Variants in MYBPC1 observed in about 807,000 individuals in gnomAD.
The protein encoded by MYBPC1 is myosin binding protein C1.
Under a neutral mutation model 147.1 loss-of-function variants are expected in MYBPC1, and 52 were observed. That is an observed-to-expected ratio of 0.35 (90% CI 0.28 to 0.45). The LOEUF (loss-of-function observed/expected upper bound fraction) is 0.45. MYBPC1 is among the 20% of genes least tolerant of loss of function. MYBPC1 has a pLI of 1.00. For missense variants in MYBPC1, 1,228 were observed against 1,440.3 expected (o/e 0.85, Z 2.39); for synonymous variants, 477 against 475.9 (o/e 1.00, Z -0.03).
At chr12:101,605,779 T>C (rs1174238326) in intron 1 of MYBPC1, among the ~76,000 whole-genome samples, 1 of 151,830 alleles carries the variant, frequency 6.6e-6, no homozygotes, top group Non-Finnish European at 1.5e-5. Context: ...GGAGAATCTC[T>C]TGAACCTGGG....
chr12:101,659,548 A>G (rs1407344922), intron 18 of MYBPC1, 124 bp from the exon 19 acceptor site: 1 of 1,008,636 alleles, frequency 9.9e-7, no homozygotes, highest in Non-Finnish European at 1.5e-6. Flanking sequence ...AGTCCACCAA[A>G]TACACTATAT....
chr12:101,602,522 A>G (rs1001504363), intron 1 of MYBPC1, among the ~76,000 whole-genome samples: 14 of 151,954 alleles, frequency 9.2e-5, no homozygotes, highest in African/African-American at 3.4e-4. Context: ...CGGACAGGTA[A>G]AGTGCTTAGA....
In MYBPC1 at chr12:101,606,448, A is replaced by G. The variant is rs141427514; in HGVS notation, c.26-8048A>G. On this transcript the variant is annotated intron_variant, in intron 1 of 31. Transcript: ENST00000361466. The stretch of plus-strand genomic sequence containing the variant: ...CCCAGACTGTACTTTGAGAACCACT[A>G]ATATAAATCAATTTAGTATTTTTTT... Among the ~76,000 whole-genome samples the G allele has an allele frequency of 6.9e-3, 1,040 of 150,634 alleles. 31 individuals carry two copies. In the South Asian group the frequency reaches 0.097, roughly 14 times the overall value.
intron 1 of MYBPC1, among the ~76,000 whole-genome samples, chr12:101,610,409 C>T (rs1318339577): frequency 6.6e-6 from 1 of 152,208 alleles, no homozygotes; most frequent in Non-Finnish European, 1.5e-5. Flanking sequence ...GATGCTTCCT[C>T]AGTCCCCATC....
chr12:101,596,942 T>C (rs906538439), intron 1 of MYBPC1, among the ~76,000 whole-genome samples: 1 of 152,204 alleles, frequency 6.6e-6, no homozygotes, highest in Non-Finnish European at 1.5e-5. Flanking sequence ...ATGATGGGGA[T>C]TGGGGCAAGA....
At position 101,602,517 on chromosome 12, in the gene MYBPC1, A is replaced by G. The variant is rs563746192; in HGVS notation, c.25+7422A>G. Among the ~76,000 whole-genome samples, 4 of 152,316 alleles carry G rather than the reference A, an allele frequency of 2.6e-5. No individual in the cohort carries two copies. The South Asian group carries it at 8.3e-4, about 32-fold the overall frequency. On this transcript the variant is annotated intron_variant, in intron 1 of 31. Coordinates refer to ENST00000361466, the MANE Select transcript of MYBPC1 (RefSeq NM_002465.4). Reference sequence around the variant, plus strand: ...CAGGCATGAGCCACCATGCCCGGACAGGTAAAGTGCTTAGAACAGGGCCTA... The same window carrying G: ...CAGGCATGAGCCACCATGCCCGGACGGGTAAAGTGCTTAGAACAGGGCCTA...
intron 3 of MYBPC1, among the ~76,000 whole-genome samples, chr12:101,622,150 A>G (rs1230308248): frequency 6.6e-6 from 1 of 152,210 alleles, no homozygotes; most frequent in Non-Finnish European, 1.5e-5. Flanking sequence ...GAAAAAAATG[A>G]AATATGACTT....
At chr12:101,680,590 C>T (rs1950875636) in intron 29 of MYBPC1, 61 bp downstream of exon 29, 1 of 1,585,512 alleles carries the variant, frequency 6.3e-7, no homozygotes, top group Non-Finnish European at 8.6e-7. Context: ...AATTATTGTT[C>T]TTAATGCTTA....
At chr12:101,690,959 A>G (rs948920155), downstream of MYBPC1, among the ~76,000 whole-genome samples, 1 of 152,246 alleles carries the variant, frequency 6.6e-6, no homozygotes, top group Admixed American at 6.5e-5. Context: ...AACTATGCTT[A>G]TCACAAATAC....
the MYBPC1 span, among the ~76,000 whole-genome samples, chr12:101,692,792 A>G: frequency 1.5e-3 from 235 of 152,284 alleles, no homozygotes; most frequent in African/African-American, 5.5e-3. Context: ...ACATTAGAGT[A>G]TGTTAGAGTG....
intron 3 of MYBPC1, among the ~76,000 whole-genome samples, chr12:101,625,996 G>T (rs945986200): frequency 6.8e-6 from 1 of 147,776 alleles, no homozygotes; most frequent in Non-Finnish European, 1.5e-5. Flanking sequence ...GCTGAGGCAG[G>T]AGAATCGCTT....
At chr12:101,596,339 C>T (rs1877223589) in intron 1 of MYBPC1, among the ~76,000 whole-genome samples, 1 of 152,184 alleles carries the variant, frequency 6.6e-6, no homozygotes, top group South Asian at 2.1e-4. Context: ...AATATGGGAA[C>T]TTAATCCTGA....
rs553526753 is a variant in MYBPC1, at chr12:101,673,178, A to G, written c.2614-249A>G. Among the ~76,000 whole-genome samples, 9 of 152,348 alleles carry G rather than the reference A, an allele frequency of 5.9e-5. 1 individual carries two copies. Among genetic ancestry groups the G allele is most frequent in the African/African-American group, 2.2e-4 (9 of 41,578 alleles). On this transcript the variant is annotated intron_variant, in intron 24 of 31. Coordinates refer to ENST00000361466, the MANE Select transcript of MYBPC1 (RefSeq NM_002465.4). The stretch of plus-strand genomic sequence containing the variant: ...AATTATTTAACTTCTCTATCCAAAA[A>G]ATGAGGATAATGATAAGCTTGATGT...
intron 1 of MYBPC1, among the ~76,000 whole-genome samples, chr12:101,610,773 T>C (rs1883986357): frequency 6.6e-6 from 1 of 151,956 alleles, no homozygotes; most frequent in Non-Finnish European, 1.5e-5. Context: ...GTGGGGAAAA[T>C]GGTGTAATTG....
chr12:101,637,414 T>C (rs1286789862), intron 10 of MYBPC1, among the ~76,000 whole-genome samples: 1 of 152,136 alleles, frequency 6.6e-6, no homozygotes, highest in African/African-American at 2.4e-5. Flanking sequence ...TTTCTCTCCA[T>C]ATATATTTCT....
chr12:101,632,029 A>C lies in MYBPC1; in HGVS notation c.447A>C (p.Thr149=). ...GATGCATTTCATTGCAGGTGTACACATTTGAGATGCAGATCATCAAGGCCA... is the reference window on the plus strand; with the variant it reads ...GATGCATTTCATTGCAGGTGTACACCTTTGAGATGCAGATCATCAAGGCCA... ...ETFERHSRVY[T]FEMQIIKAKD... The change falls in exon 8 of 32, where the codon ACA becomes ACC. Residue 149 remains threonine (T), a synonymous_variant. Coordinates refer to ENST00000361466, the MANE Select transcript of MYBPC1 (RefSeq NM_002465.4). 6.2e-7 allele frequency: 1 copy of C among 1,610,824 alleles called. No individual in the cohort carries two copies. Among genetic ancestry groups the C allele is most frequent in the Non-Finnish European group, 8.5e-7 (1 of 1,176,924 alleles).
intron 3 of MYBPC1, among the ~76,000 whole-genome samples, chr12:101,622,748 T>A (rs1490609422): frequency 2.6e-5 from 4 of 151,358 alleles, no homozygotes; most frequent in African/African-American, 9.7e-5. Flanking sequence ...AAAAATTAAT[T>A]AATAAATAAA....
intron 1 of MYBPC1, among the ~76,000 whole-genome samples, chr12:101,607,700 G>T (rs988503152): frequency 6.6e-6 from 1 of 151,866 alleles, no homozygotes; most frequent in African/African-American, 2.4e-5. Flanking sequence ...AAATTAAATG[G>T]TATATAAGGG....
chr12:101,605,548 T>C (rs1223803013), intron 1 of MYBPC1, among the ~76,000 whole-genome samples: 4 of 152,158 alleles, frequency 2.6e-5, no homozygotes. Context: ...TATTAGTGTG[T>C]CATATATTTA....
Sources: allele counts gnomAD v4.1 joint callset (sites outside exome capture counted in the v4.1 genomes callset), GRCh38; gene constraint gnomAD v4.1.1; transcripts MANE v1.5; gene names NCBI Gene and HGNC (gene_info 2026-07-23, HGNC 2026-07-21).